Variants in CAMKMT observed in about 807,000 individuals in gnomAD.
CAMKMT encodes CaM KMT.
A neutral mutation model predicts 48.0 loss-of-function variants in CAMKMT; 53 were observed. The ratio of observed to expected loss-of-function variants is 1.10; its 90% CI spans 0.89 to 1.39. CAMKMT has a LOEUF of 1.39. Ranked by LOEUF, CAMKMT falls within the 40% of genes most tolerant of loss-of-function variation. CAMKMT has a pLI of 0.00. For synonymous variants in CAMKMT, 165 were observed against 152.3 expected, an observed-to-expected ratio of 1.08 and a Z score of -0.61; for missense variants, 428 against 402.7, an observed-to-expected ratio of 1.06 and a Z score of -0.54.
chr2:44,695,507 A>G (rs1676890572), intron 3 of CAMKMT, among the ~76,000 whole-genome samples: 1 of 152,224 alleles, frequency 6.6e-6, no homozygotes, highest in Non-Finnish European at 1.5e-5. Flanking sequence ...AAGAGATAAG[A>G]ATATGTCTTG....
intron 9 of CAMKMT, among the ~76,000 whole-genome samples, chr2:44,763,455 C>G (rs1680700963): frequency 6.6e-6 from 1 of 152,184 alleles, no homozygotes; most frequent in Non-Finnish European, 1.5e-5. Context: ...AGTTTATTGT[C>G]TCATCAAATA....
chr2:44,477,121 T>C (rs926781676), intron 3 of CAMKMT, among the ~76,000 whole-genome samples: 5 of 152,182 alleles, frequency 3.3e-5, no homozygotes, highest in Non-Finnish European at 7.4e-5. Context: ...TACAATTATA[T>C]CTGCCTACCT....
At chr2:44,480,679 T>C (rs371599307) in intron 3 of CAMKMT, among the ~76,000 whole-genome samples, 30 of 152,292 alleles carry the variant, frequency 2.0e-4, no homozygotes, top group African/African-American at 7.2e-4. Flanking sequence ...CAAAGTAAAC[T>C]AATGGCAATG....
Position 44,404,428 on chromosome 2 carries a change from A to G in CAMKMT, c.376+14123A>G, listed in dbSNP as rs989254727. Among the ~76,000 whole-genome samples, 5 of 152,138 alleles carry G rather than the reference A, an allele frequency of 3.3e-5. No individual in the cohort carries two copies. The East Asian group carries it at 5.8e-4, about 18-fold the overall frequency. On this transcript the variant is annotated intron_variant, in intron 3 of 10. Coordinates refer to ENST00000378494, the MANE Select transcript of CAMKMT (RefSeq NM_024766.5). ...AAATACATACGTGTTATTTTGTTAC[A>G]TATTGGCGATATTTTCCCCTCCAGA...
intron 3 of CAMKMT, among the ~76,000 whole-genome samples, chr2:44,552,287 ACTTTT>A (rs1667759485): frequency 6.6e-6 from 1 of 152,232 alleles, no homozygotes; most frequent in Non-Finnish European, 1.5e-5. Context: ...ACTCATTATT[ACTTTT>A]GAGTCTTTTA....
intron 8 of CAMKMT, among the ~76,000 whole-genome samples, chr2:44,747,033 G>C (rs1240475165): frequency 6.6e-6 from 1 of 152,176 alleles, no homozygotes; most frequent in Non-Finnish European, 1.5e-5. Context: ...GGCTTAGAAA[G>C]CATATCTGAA....
chr2:44,629,781 G>A (rs374605235), intron 3 of CAMKMT, among the ~76,000 whole-genome samples: 10 of 152,206 alleles, frequency 6.6e-5, no homozygotes, highest in East Asian at 3.9e-4. Flanking sequence ...CTATGCTCAC[G>A]GGTAGGAAGA....
intron 8 of CAMKMT, among the ~76,000 whole-genome samples, chr2:44,748,695 A>G (rs2104382169): frequency 6.6e-6 from 1 of 151,502 alleles, no homozygotes; most frequent in Admixed American, 6.6e-5. Flanking sequence ...ACACGGTGAA[A>G]CCCCATCTCT....
chr2:44,440,586 T>C (rs1042489177), intron 3 of CAMKMT, among the ~76,000 whole-genome samples: 15 of 152,126 alleles, frequency 9.9e-5, no homozygotes, highest in African/African-American at 3.4e-4. Context: ...AAAATTTAAT[T>C]TAATAAATTA....
At chr2:44,667,917 A>G (rs1172346308) in intron 3 of CAMKMT, among the ~76,000 whole-genome samples, 1 of 152,114 alleles carries the variant, frequency 6.6e-6, no homozygotes, top group Non-Finnish European at 1.5e-5. Flanking sequence ...TTCCATGCCC[A>G]TGACTAGGTA....
intron 3 of CAMKMT, among the ~76,000 whole-genome samples, chr2:44,658,092 G>A (rs1296509305): frequency 1.3e-5 from 2 of 152,162 alleles, no homozygotes; most frequent in South Asian, 2.1e-4. Context: ...TCAATTGACA[G>A]CAAAGCCACT....
intron 10 of CAMKMT, among the ~76,000 whole-genome samples, chr2:44,766,776 CTT>C (rs988050546): frequency 6.6e-6 from 1 of 152,206 alleles, no homozygotes; most frequent in Non-Finnish European, 1.5e-5. Context: ...CCTGTTTACT[CTT>C]TTCTCTGAAA....
In CAMKMT at chr2:44,469,350, A is replaced by AT. The variant is rs10648196; in HGVS notation, c.376+79055dup. ...TGGCTGTTGAATCTTATTAAACCTG[A>AT]TTTTTTTTTTGTTATAAATAATTTG... On this transcript the variant is annotated intron_variant, in intron 3 of 10. Transcript: ENST00000378494. Among the ~76,000 whole-genome samples, 651 of 150,144 alleles carry AT rather than the reference A, an allele frequency of 4.3e-3. 5 individuals are homozygous for AT. Among genetic ancestry groups the AT allele is most frequent in the African/African-American group, 0.01 (430 of 41,078 alleles).
chr2:44,632,563 A>G (rs1267312731), intron 3 of CAMKMT, among the ~76,000 whole-genome samples: 1 of 152,186 alleles, frequency 6.6e-6, no homozygotes, highest in Non-Finnish European at 1.5e-5. Flanking sequence ...AATCCTACAT[A>G]TCTAACAAAA....
chr2:44,401,783 C>T (rs151109462), intron 3 of CAMKMT, among the ~76,000 whole-genome samples: 6 of 152,160 alleles, frequency 3.9e-5, no homozygotes, highest in South Asian at 2.1e-4. Context: ...TTCTTGCTTT[C>T]GGAGTCTTTT....
At chr2:44,540,806 T>G (rs902141888) in intron 3 of CAMKMT, among the ~76,000 whole-genome samples, 2 of 152,238 alleles carry the variant, frequency 1.3e-5, no homozygotes, top group Admixed American at 6.5e-5. Flanking sequence ...GAGATGTAAT[T>G]GCTTTTAGGC....
chr2:44,603,884 C>G (rs950451536), intron 3 of CAMKMT, among the ~76,000 whole-genome samples: 1 of 152,084 alleles, frequency 6.6e-6, no homozygotes, highest in African/African-American at 2.4e-5. Flanking sequence ...GAAAGAAATA[C>G]AAGATATTGA....
At chr2:44,569,621 CTT>C (rs1381989421) in intron 3 of CAMKMT, among the ~76,000 whole-genome samples, 2 of 152,092 alleles carry the variant, frequency 1.3e-5, no homozygotes, top group Non-Finnish European at 2.9e-5. Context: ...GTCTTTCTCT[CTT>C]TGTGGAGGTA....
intron 3 of CAMKMT, among the ~76,000 whole-genome samples, chr2:44,500,531 G>A (rs369307173): frequency 6.6e-6 from 1 of 151,950 alleles, no homozygotes; most frequent in Admixed American, 6.6e-5. Context: ...ATAAGATAAT[G>A]TAAAGAGAAT....
Sources: allele counts gnomAD v4.1 joint callset (sites outside exome capture counted in the v4.1 genomes callset), GRCh38; gene constraint gnomAD v4.1.1; transcripts MANE v1.5; gene names NCBI Gene and HGNC (gene_info 2026-07-23, HGNC 2026-07-21).